The following MID1 variants were observed in gnomAD, a reference collection of about 807,000 sequenced individuals.
MID1 encodes the protein midline 1.
MID1 carries 7 observed loss-of-function variants against 40.4 expected under a neutral mutation model. The ratio of observed to expected loss-of-function variants is 0.17; its 90% CI spans 0.10 to 0.33. The LOEUF is 0.33. Ranked by LOEUF, MID1 falls within the 10% of genes least tolerant of loss-of-function variation. The pLI is 1.00. For missense variants in MID1, 367 were observed against 558.5 expected (o/e 0.66, Z 3.46); for synonymous variants, 229 against 221.2 (o/e 1.04, Z -0.31).
intron 1 of MID1, among the ~76,000 whole-genome samples, chrX:10,764,926 A>G (rs757821306): frequency 8.9e-6 from 1 of 111,794 alleles, no homozygotes; most frequent in Admixed American, 9.5e-5. Flanking sequence ...TTTCTGTAGA[A>G]CCTCTCCTTG....
chrX:10,761,337 T>A, intron 1 of MID1, among the ~76,000 whole-genome samples: 1 of 112,080 alleles, frequency 8.9e-6, no homozygotes, highest in Non-Finnish European at 1.9e-5. Context: ...GTTTATGCCT[T>A]TTTAAATTTA....
At chrX:10,714,556 T>G (rs1341298628) in intron 1 of MID1, among the ~76,000 whole-genome samples, 1 of 112,958 alleles carries the variant, frequency 8.9e-6, no homozygotes, top group Non-Finnish European at 1.9e-5. Context: ...GTGTGAGATC[T>G]ACTTTTGTTA....
intron 1 of MID1, among the ~76,000 whole-genome samples, chrX:10,833,383 T>G (rs1179809234): frequency 1.8e-5 from 2 of 112,099 alleles, no homozygotes; most frequent in Non-Finnish European, 3.8e-5. Flanking sequence ...ATTTTCGGTG[T>G]GCAAAACAGG....
intron 1 of MID1, among the ~76,000 whole-genome samples, chrX:10,699,225 C>T (rs1443171461): frequency 9.0e-6 from 1 of 111,604 alleles, no homozygotes; most frequent in African/African-American, 3.3e-5. Context: ...TTTTCCTTCT[C>T]AACATGATGT....
rs1284426233 is a variant in MID1 at position 10,567,194 on chromosome X, G to A, written c.354C>T (p.Leu118=). 8.3e-7 allele frequency: 1 copy of A among 1,211,796 alleles called. No homozygotes were observed. Among genetic ancestry groups the A allele is most frequent in the Non-Finnish European group, 1.1e-6 (1 of 895,497 alleles). ...CAGGATCCTGGTCACAAAACTGGCA[G>A]AGGACCTTCTCGGCGGAGGTCATGG... The part of the protein sequence containing the change: ...ANTMTSAEKV[L]CQFCDQDPAQ... Residue 118 remains leucine, a synonymous_variant, in exon 2 of 10, where the codon CTC becomes CTT. Coordinates refer to ENST00000317552, the MANE Select transcript of MID1 (RefSeq NM_000381.4).
chrX:10,521,088 G>A (rs750352754), intron 3 of MID1, among the ~76,000 whole-genome samples: 2 of 91,825 alleles, frequency 2.2e-5, no homozygotes, highest in South Asian at 6.9e-4. Context: ...GTCACATGGC[G>A]AAATTAGGAG....
At chrX:10,454,503 T>C (rs754300442) in intron 9 of MID1, among the ~76,000 whole-genome samples, 1 of 112,237 alleles carries the variant, frequency 8.9e-6, no homozygotes. Context: ...GACCTGGCTG[T>C]ATTCCCATAA....
intron 1 of MID1, among the ~76,000 whole-genome samples, chrX:10,768,967 T>A (rs776155970): frequency 1.8e-5 from 2 of 111,657 alleles, no homozygotes; most frequent in Non-Finnish European, 3.8e-5. Flanking sequence ...AACAGTGATG[T>A]GTGAATGGGT....
chrX:10,831,298 C>T (rs757572537), intron 1 of MID1, among the ~76,000 whole-genome samples: 2 of 112,154 alleles, frequency 1.8e-5, no homozygotes, highest in Non-Finnish European at 3.8e-5. Context: ...ATGGTGCACA[C>T]TATACTTCTC....
chrX:10,661,166 A>G (rs1373272889), intron 1 of MID1, among the ~76,000 whole-genome samples: 2 of 111,510 alleles, frequency 1.8e-5, no homozygotes, highest in African/African-American at 6.5e-5. Flanking sequence ...CCATATGAAA[A>G]TCTATTTTTG....
rs559905501 is a variant in MID1, at chrX:10,819,876, C to T, written c.-187+13678G>A. On this transcript the variant is annotated intron_variant, in intron 1 of 10. Transcript: ENST00000380785. Reference sequence around the variant, plus strand: ...ATTCCGCAAGCTATAGGACTCAGTACGTATAGGCATGTCTCCCCAAGCCTT... The same window carrying T: ...ATTCCGCAAGCTATAGGACTCAGTATGTATAGGCATGTCTCCCCAAGCCTT... Among the ~76,000 whole-genome samples the T allele has an allele frequency of 3.7e-4, 41 of 111,989 alleles. 1 individual carries two copies. Among genetic ancestry groups the T allele is most frequent in the African/African-American group, 9.7e-4 (30 of 30,863 alleles).
chrX:10,627,287 C>G (rs754365989), intron 1 of MID1, among the ~76,000 whole-genome samples: 2 of 111,488 alleles, frequency 1.8e-5, no homozygotes, highest in Non-Finnish European at 3.8e-5. Flanking sequence ...ATTCTGAAAC[C>G]CAAGTGTAAT....
rs943099197 is a variant in MID1, at chrX:10,760,031, G to A, written c.-187+73523C>T. On this transcript the variant is annotated intron_variant, in intron 1 of 10. Transcript: ENST00000380785. ...CTTCCAGGTACACATAAACTTTGTT[G>A]ATGAAATCCTCATACCGTTCTGAGA... Among the ~76,000 whole-genome samples, 7 of 111,643 alleles carry A rather than the reference G, an allele frequency of 6.3e-5. No individual in the cohort carries two copies. The South Asian group carries it at 2.7e-3, about 42-fold the overall frequency.
chrX:10,598,088 G>A (rs911054750), intron 1 of MID1, among the ~76,000 whole-genome samples: 1 of 111,706 alleles, frequency 9.0e-6, no homozygotes, highest in Non-Finnish European at 1.9e-5. Context: ...TGGGCCTCCA[G>A]TATGCCTTGA....
At chrX:10,753,696 T>C (rs1468771716) in intron 1 of MID1, among the ~76,000 whole-genome samples, 4 of 111,911 alleles carry the variant, frequency 3.6e-5, no homozygotes, top group Non-Finnish European at 5.6e-5. Flanking sequence ...TCTCTCTGCC[T>C]GGAGTTTGAA....
chrX:10,754,546 T>A (rs2043620513), intron 1 of MID1, among the ~76,000 whole-genome samples: 1 of 111,362 alleles, frequency 9.0e-6, no homozygotes, highest in Non-Finnish European at 1.9e-5. Flanking sequence ...TAAGACCCCC[T>A]GAAATGAAAT....
intron 1 of MID1, among the ~76,000 whole-genome samples, chrX:10,594,603 A>G (rs904739103): frequency 1.8e-5 from 2 of 111,394 alleles, no homozygotes; most frequent in South Asian, 7.7e-4. Flanking sequence ...GCCCTGTGCC[A>G]TATAGAACCA....
At chrX:10,680,699 A>G (rs375192278) in intron 1 of MID1, among the ~76,000 whole-genome samples, 1 of 110,773 alleles carries the variant, frequency 9.0e-6, no homozygotes, top group African/African-American at 3.3e-5. Flanking sequence ...TAAAATATTC[A>G]TATCCTTTGG....
At chrX:10,469,552 A>G in intron 7 of MID1, 145 bp downstream of exon 7, 2 of 1,203,085 alleles carry the variant, frequency 1.7e-6, no homozygotes, top group Non-Finnish European at 2.2e-6. Flanking sequence ...AGTGAGTGCT[A>G]TCACTTTTTT....
Sources: gnomAD v4.1 joint callset for allele counts (sites outside exome capture counted in the v4.1 genomes callset) on GRCh38, gnomAD v4.1.1 for gene constraint, MANE v1.5 for transcripts, NCBI Gene and HGNC (gene_info 2026-07-23, HGNC 2026-07-21) for gene names.